The following ALG14 variants were observed in gnomAD, a reference collection of about 807,000 sequenced individuals.
The protein encoded by ALG14 is UDP-N-acetylglucosamine transferase subunit ALG14.
A neutral mutation model predicts 22.8 loss-of-function variants in ALG14; 17 were observed. The observed-to-expected ratio is 0.75, with a 90% CI of 0.51 to 1.12. The LOEUF (loss-of-function observed/expected upper bound fraction) is 1.12, where lower values mean the gene tolerates loss of function less well. ALG14 is among the 50% of genes most tolerant of loss of function. The pLI is 0.00. For missense variants in ALG14, 288 were observed against 271.8 expected (o/e 1.06, Z -0.42); for synonymous variants, 89 against 103.7 (o/e 0.86, Z 0.86).
At chr1:95,034,199 G>C (rs1275273824) in intron 2 of ALG14, among the ~76,000 whole-genome samples, 1 of 152,178 alleles carries the variant, frequency 6.6e-6, no homozygotes, top group African/African-American at 2.4e-5. Context: ...CACTCAGAGG[G>C]GAGACAGTTC....
intron 2 of ALG14, among the ~76,000 whole-genome samples, chr1:95,059,358 A>T (rs920346470): frequency 1.4e-5 from 2 of 139,914 alleles, no homozygotes; most frequent in African/African-American, 5.5e-5. Context: ...AGATCACATC[A>T]TTGCACTCTA....
intron 3 of ALG14, among the ~76,000 whole-genome samples, chr1:95,016,945 GTGTGTGTGT>G (rs1673512995): frequency 5.3e-5 from 1 of 18,824 alleles, no homozygotes; most frequent in Non-Finnish European, 1.2e-4. Flanking sequence ...CAAAAGGGGT[GTGTGTGTGT>G]GTGTGTGTGT....
At chr1:94,993,787 C>T (rs758074961) in intron 3 of ALG14, among the ~76,000 whole-genome samples, 9 of 152,140 alleles carry the variant, frequency 5.9e-5, no homozygotes, top group Non-Finnish European at 8.8e-5. Flanking sequence ...TTGGGCTAAG[C>T]TATAAGCAGT....
At chr1:95,042,105 GT>G (rs1323800496) in intron 2 of ALG14, among the ~76,000 whole-genome samples, 1 of 151,942 alleles carries the variant, frequency 6.6e-6, no homozygotes, top group Non-Finnish European at 1.5e-5. Context: ...TCTCTTCTTA[GT>G]TTTGTTTCTA....
At chr1:95,037,994 G>T (rs1262291150) in intron 2 of ALG14, among the ~76,000 whole-genome samples, 3 of 152,174 alleles carry the variant, frequency 2.0e-5, no homozygotes, top group Non-Finnish European at 4.4e-5. Context: ...TGCAGTCAAA[G>T]GGATAACTAT....
At chr1:95,010,267 A>C (rs775105668) in intron 3 of ALG14, among the ~76,000 whole-genome samples, 3 of 152,190 alleles carry the variant, frequency 2.0e-5, no homozygotes, top group Non-Finnish European at 2.9e-5. Flanking sequence ...CTTCTCAAAT[A>C]ATTTTCCTCT....
chr1:94,977,646 G>A lies in ALG14; in HGVS notation c.*5430C>T, dbSNP rs756645115. On this transcript the variant is annotated 3_prime_UTR_variant, in exon 4 of 4. Coordinates refer to ENST00000370205, the MANE Select transcript of ALG14 (RefSeq NM_144988.4). Reference sequence around the variant, plus strand: ...AGCTCACACAAACAAAAGCTCATTGGGATATATTTTTTTTTTTTCTGAGGC... The same window carrying A: ...AGCTCACACAAACAAAAGCTCATTGAGATATATTTTTTTTTTTTCTGAGGC... 5 of 125,036 alleles carry A rather than the reference G, an allele frequency of 4.0e-5. No homozygotes were observed. Among genetic ancestry groups the A allele is most frequent in the African/African-American group, 6.8e-5 (2 of 29,358 alleles). The allele number at this position is 125,036 out of a possible 1,614,324, so 7.7% of individuals were successfully genotyped here.
intron 3 of ALG14, among the ~76,000 whole-genome samples, chr1:95,002,903 C>G (rs530111458): frequency 1.3e-5 from 2 of 152,252 alleles, no homozygotes; most frequent in South Asian, 4.1e-4. Context: ...GTTTCAAGGC[C>G]CAGCTTAGTC....
chr1:94,997,959 T>C (rs1311580242), intron 3 of ALG14, among the ~76,000 whole-genome samples: 1 of 152,108 alleles, frequency 6.6e-6, no homozygotes, highest in Non-Finnish European at 1.5e-5. Flanking sequence ...TGGGCCACAG[T>C]CCAGGCATCT....
At chr1:94,997,753 TTGC>T (rs1672946162) in intron 3 of ALG14, among the ~76,000 whole-genome samples, 1 of 152,234 alleles carries the variant, frequency 6.6e-6, no homozygotes, top group African/African-American at 2.4e-5. Flanking sequence ...CGTCTTATAT[TTGC>T]TGCTTTTTTT....
At chr1:95,070,653 C>T (rs1036340933) in intron 1 of ALG14, among the ~76,000 whole-genome samples, 3 of 152,218 alleles carry the variant, frequency 2.0e-5, no homozygotes, top group African/African-American at 7.2e-5. Flanking sequence ...ATATTGAGCC[C>T]TTTGATTATT....
chr1:94,997,744 G>A (rs757428233), intron 3 of ALG14, among the ~76,000 whole-genome samples: 4 of 152,216 alleles, frequency 2.6e-5, no homozygotes, highest in South Asian at 2.1e-4. Flanking sequence ...ATCCTAGCAC[G>A]TCTTATATTT....
chr1:95,063,502 T>C (rs1675241798), intron 2 of ALG14, among the ~76,000 whole-genome samples: 1 of 152,216 alleles, frequency 6.6e-6, no homozygotes, highest in Non-Finnish European at 1.5e-5. Flanking sequence ...GCTTCAATTT[T>C]CTGCATATGG....
At chr1:94,983,351 T>C in intron 3 of ALG14, 45 bp from the exon 4 acceptor site, 1 of 1,525,600 alleles carries the variant, frequency 6.6e-7, no homozygotes. Flanking sequence ...AGAATAATAA[T>C]CTAAGGGAGG....
At chr1:94,990,610 T>C (rs944567073) in intron 3 of ALG14, among the ~76,000 whole-genome samples, 5 of 152,232 alleles carry the variant, frequency 3.3e-5, no homozygotes, top group African/African-American at 4.8e-5. Flanking sequence ...ATAGGCACAA[T>C]TGTGCCACTG....
chr1:95,002,452 G>A (rs996447855), intron 3 of ALG14, among the ~76,000 whole-genome samples: 11 of 152,054 alleles, frequency 7.2e-5, no homozygotes, highest in Admixed American at 1.3e-4. Context: ...ACATAAAAAC[G>A]CCAGGACAGC....
intron 3 of ALG14, among the ~76,000 whole-genome samples, chr1:95,001,481 T>A (rs1557946417): frequency 6.6e-6 from 1 of 152,256 alleles, no homozygotes; most frequent in East Asian, 1.9e-4. Flanking sequence ...ATAATTTGAT[T>A]TCTATGGCTT....
intron 3 of ALG14, among the ~76,000 whole-genome samples, chr1:94,998,705 A>G (rs941902267): frequency 1.3e-5 from 2 of 152,202 alleles, no homozygotes; most frequent in African/African-American, 2.4e-5. Flanking sequence ...GACTTTGGGT[A>G]AGCCAATTTT....
chr1:95,061,692 T>C (rs2100834786), intron 2 of ALG14: 1 of 152,352 alleles, frequency 6.6e-6, no homozygotes, highest in South Asian at 2.1e-4. Flanking sequence ...CTTCTATCTA[T>C]AGACTACCTT....
Sources: gnomAD v4.1 joint callset for allele counts (sites outside exome capture counted in the v4.1 genomes callset) on GRCh38, gnomAD v4.1.1 for gene constraint, MANE v1.5 for transcripts, NCBI Gene and HGNC (gene_info 2026-07-23, HGNC 2026-07-21) for gene names.